RPS6KC1: variants seen among roughly 807,000 people sequenced by gnomAD.
RPS6KC1 encodes ribosomal protein S6 kinase C1.
RPS6KC1 carries 54 observed loss-of-function variants against 103.8 expected under a neutral mutation model. The ratio of observed to expected loss-of-function variants is 0.52; its 90% CI spans 0.42 to 0.65. The LOEUF is 0.65. RPS6KC1 is among the 30% of genes least tolerant of loss of function. RPS6KC1 has a pLI of 0.00. For synonymous variants in RPS6KC1, 439 were observed against 438.7 expected (o/e 1.00, Z -0.01); for missense variants, 1,151 against 1,253.8 (o/e 0.92, Z 1.24).
At chr1:213,143,627 C>A (rs573914362) in intron 6 of RPS6KC1, among the ~76,000 whole-genome samples, 11 of 151,670 alleles carry the variant, frequency 7.3e-5, no homozygotes, top group African/African-American at 1.7e-4. Flanking sequence ...TATGTCAAAC[C>A]TTAGTTATTA....
At chr1:213,777,667 C>T in the RPS6KC1 span, among the ~76,000 whole-genome samples, 4 of 152,286 alleles carry the variant, frequency 2.6e-5, no homozygotes, top group East Asian at 5.8e-4. Context: ...GCAATGTCTG[C>T]AAATCTCAGT....
chr1:213,807,006 C>G, the RPS6KC1 span, among the ~76,000 whole-genome samples: 3 of 152,154 alleles, frequency 2.0e-5, no homozygotes, highest in Admixed American at 2.0e-4. Flanking sequence ...ATTTGCTTGT[C>G]TGTAAAGGAT....
the RPS6KC1 span, among the ~76,000 whole-genome samples, chr1:213,471,924 T>C: frequency 6.6e-6 from 1 of 151,574 alleles, no homozygotes; most frequent in African/African-American, 2.4e-5. Context: ...GAAAAGAGGG[T>C]TTCCAAGAGA....
chr1:213,692,398 A>T, the RPS6KC1 span, among the ~76,000 whole-genome samples: 1 of 151,812 alleles, frequency 6.6e-6, no homozygotes, highest in Non-Finnish European at 1.5e-5. Context: ...CAAAAAAAAA[A>T]AAAAATAAAT....
At chr1:213,816,422 C>G in the RPS6KC1 span, among the ~76,000 whole-genome samples, 20 of 152,340 alleles carry the variant, frequency 1.3e-4, no homozygotes, top group East Asian at 3.9e-3. Flanking sequence ...AGACCACCAA[C>G]AAGCTCACAT....
chr1:213,117,224 T>A, intron 4 of RPS6KC1, 93 bp from the exon 5 acceptor site: 10 of 670,452 alleles, frequency 1.5e-5, no homozygotes, highest in Admixed American at 2.5e-5. Flanking sequence ...TTTCTGTACA[T>A]CTTTACACAT....
the RPS6KC1 span, among the ~76,000 whole-genome samples, chr1:213,390,639 C>T: frequency 2.6e-5 from 4 of 152,144 alleles, no homozygotes; most frequent in Non-Finnish European, 5.9e-5. Context: ...GTCTGCTTTG[C>T]CTTGAGGCCT....
chr1:213,602,120 CTCTTTCTTTCTTTCTTTCTTTCTT>C, the RPS6KC1 span, among the ~76,000 whole-genome samples: 2 of 5,156 alleles, frequency 3.9e-4, no homozygotes, highest in African/African-American at 6.7e-4. Context: ...TTCTTTCTTT[CTCTTTCTTTCTTTCTTTCTTTCTT>C]TCTTTCTTTC....
At chr1:213,230,835 CAAA>C (rs760471422) in intron 9 of RPS6KC1, among the ~76,000 whole-genome samples, 3 of 54,688 alleles carry the variant, frequency 5.5e-5, no homozygotes, top group Non-Finnish European at 4.0e-5. Flanking sequence ...GACCCTGTCT[CAAA>C]AAAAAAAAAA....
chr1:213,065,557 G>C (rs557327568), intron 1 of RPS6KC1, among the ~76,000 whole-genome samples: 4 of 152,256 alleles, frequency 2.6e-5, no homozygotes, highest in African/African-American at 9.6e-5. Context: ...GCCATTTTGT[G>C]GTTTTCGTTT....
At chr1:213,747,427 T>C in the RPS6KC1 span, among the ~76,000 whole-genome samples, 1 of 152,146 alleles carries the variant, frequency 6.6e-6, no homozygotes, top group Non-Finnish European at 1.5e-5. Context: ...GCTAATAATT[T>C]AGAAAACTCC....
the RPS6KC1 span, among the ~76,000 whole-genome samples, chr1:213,715,038 G>T: frequency 2.0e-5 from 3 of 152,174 alleles, no homozygotes; most frequent in Non-Finnish European, 4.4e-5. Flanking sequence ...CAGAGGGATG[G>T]TTCAGATTGT....
At chr1:213,136,366 T>TG (rs2086264635) in intron 6 of RPS6KC1, among the ~76,000 whole-genome samples, 1 of 152,042 alleles carries the variant, frequency 6.6e-6, no homozygotes, top group Admixed American at 6.6e-5. Context: ...CCTGGGAAGG[T>TG]GGACAGAGCT....
At chr1:213,827,783 G>C in the RPS6KC1 span, among the ~76,000 whole-genome samples, 1 of 152,154 alleles carries the variant, frequency 6.6e-6, no homozygotes, top group African/African-American at 2.4e-5. Flanking sequence ...AGACTAGTCG[G>C]ATGAGACACC....
chr1:213,698,914 T>A, the RPS6KC1 span, among the ~76,000 whole-genome samples: 3 of 152,098 alleles, frequency 2.0e-5, no homozygotes, highest in South Asian at 2.1e-4. Context: ...TAATTTTTTT[T>A]AATTTTTGTG....
the RPS6KC1 span, among the ~76,000 whole-genome samples, chr1:213,748,231 C>T: frequency 6.6e-6 from 1 of 152,208 alleles, no homozygotes; most frequent in Non-Finnish European, 1.5e-5. Flanking sequence ...TCAATCTCAC[C>T]TTTACCTGAG....
chr1:213,176,859 C>T (rs1166081769), intron 8 of RPS6KC1, among the ~76,000 whole-genome samples: 2 of 151,958 alleles, frequency 1.3e-5, no homozygotes, highest in Non-Finnish European at 2.9e-5. Context: ...AAGTGGAATC[C>T]CCTTGTAATT....
chr1:213,142,362 C>G (rs2087161602), intron 6 of RPS6KC1, among the ~76,000 whole-genome samples: 1 of 152,026 alleles, frequency 6.6e-6, no homozygotes, highest in Non-Finnish European at 1.5e-5. Context: ...GGCATTTAAT[C>G]TGTTTATGTT....
chr1:213,651,627 A>C, the RPS6KC1 span, among the ~76,000 whole-genome samples: 1 of 152,182 alleles, frequency 6.6e-6, no homozygotes, highest in African/African-American at 2.4e-5. Flanking sequence ...AGATTCAGAG[A>C]GGTTGAGACA....
Sources: allele counts gnomAD v4.1 joint callset (sites outside exome capture counted in the v4.1 genomes callset), GRCh38; gene constraint gnomAD v4.1.1; transcripts MANE v1.5; gene names NCBI Gene and HGNC (gene_info 2026-07-23, HGNC 2026-07-21).